Variants in LIMK1 observed in about 807,000 individuals in gnomAD.
The protein encoded by LIMK1 is LIM motif-containing protein kinase.
In LIMK1, 21 loss-of-function variants were observed where a neutral mutation model predicts 77.6. The ratio of observed to expected loss-of-function variants is 0.27; its 90% CI spans 0.19 to 0.39. LIMK1 has a LOEUF of 0.39. Among genes scored for constraint, LIMK1 ranks in the 10% least tolerant of loss-of-function variants. LIMK1 has a pLI of 1.00. For synonymous variants in LIMK1, 358 were observed against 370.0 expected (o/e 0.97, Z 0.37); for missense variants, 696 against 901.6 (o/e 0.77, Z 2.92).
At chr7:74,096,837 A>G (rs957480274) in intron 3 of LIMK1, 77 bp downstream of exon 3, 28 of 1,492,356 alleles carry the variant, frequency 1.9e-5, no homozygotes, top group Non-Finnish European at 2.5e-5. Context: ...TCTCTCTCCC[A>G]TCATTGTCTC....
chr7:74,085,821 G>A lies in LIMK1; in HGVS notation c.129G>A (p.Ala43=), dbSNP rs781963756. 28 of 1,557,910 alleles carry A rather than the reference G, an allele frequency of 1.8e-5. No individual in the cohort carries two copies. Among genetic ancestry groups the A allele is most frequent in the Admixed American group, 1.1e-4 (6 of 52,192 alleles). ...YDGQYLQALN[A]DWHADCFRCC... is the part of the protein sequence containing the mutation. Reference sequence around the variant, plus strand: ...GCCAGTACCTCCAGGCCCTGAACGCGGACTGGCACGCAGACTGCTTCAGGT... The same window carrying A: ...GCCAGTACCTCCAGGCCCTGAACGCAGACTGGCACGCAGACTGCTTCAGGT... The change falls in exon 2 of 16, where the codon GCG becomes GCA. Residue 43 remains alanine, a synonymous_variant. Transcript: ENST00000336180.
intron 7 of LIMK1, 27 bp from the exon 8 acceptor site, chr7:74,106,983 G>A: frequency 1.3e-6 from 2 of 1,534,994 alleles, no homozygotes; most frequent in Non-Finnish European, 1.8e-6. Context: ...TCCCCCGGTG[G>A]CACTTGGCAC....
intron 9 of LIMK1, among the ~76,000 whole-genome samples, 186 bp from the exon 10 acceptor site, chr7:74,108,719 G>T (rs1799633971): frequency 6.6e-6 from 1 of 151,796 alleles, no homozygotes; most frequent in Admixed American, 6.6e-5. Flanking sequence ...CATCGCTGGG[G>T]GTGGGGGCAG....
chr7:74,107,349 A>T (rs1251833634), intron 8 of LIMK1, among the ~76,000 whole-genome samples, 156 bp downstream of exon 8: 1 of 152,060 alleles, frequency 6.6e-6, no homozygotes, highest in Non-Finnish European at 1.5e-5. Context: ...GCTAATTAGG[A>T]ACAGGGGACC....
At chr7:74,115,753 G>A (rs781937479) in intron 12 of LIMK1, 49 bp from the exon 13 acceptor site, 48 of 1,592,902 alleles carry the variant, frequency 3.0e-5, no homozygotes, top group East Asian at 2.2e-5. Flanking sequence ...CAGGCCAAGC[G>A]GGCAGTACTA....
In LIMK1 at chr7:74,084,052, G is replaced by C; in HGVS notation, c.55+7G>C. On this transcript the variant is annotated splice_region_variant and intron_variant, in intron 1 of 15. Transcript: ENST00000336180. ...GAACGTATGGGAGAGGAAGGTGCGCGGGCCGCGGGGTGTGGGGCGAGGGCC... is the reference window on the plus strand; with the variant it reads ...GAACGTATGGGAGAGGAAGGTGCGCCGGCCGCGGGGTGTGGGGCGAGGGCC... 3.4e-6 allele frequency: 5 copies of C among 1,481,000 alleles called. No homozygotes were observed. Among genetic ancestry groups the C allele is most frequent in the South Asian group, 2.6e-5 (2 of 77,610 alleles). 91.7% of individuals were successfully genotyped at this position (1,481,000 alleles called of 1,614,324 possible).
At chr7:74,087,384 A>G (rs1554694198) in intron 2 of LIMK1, among the ~76,000 whole-genome samples, 6 of 152,138 alleles carry the variant, frequency 3.9e-5, no homozygotes, top group African/African-American at 1.4e-4. Flanking sequence ...AGCCTGGGCA[A>G]TAGAGCGAGA....
In LIMK1 at chr7:74,107,086, C is replaced by A; in HGVS notation, c.958C>A (p.Arg320Ser). The A allele has an allele frequency of 1.9e-6, 3 of 1,610,772 alleles. No individual in the cohort carries two copies. Among genetic ancestry groups the A allele is most frequent in the Non-Finnish European group, 2.5e-6 (3 of 1,179,210 alleles). Residue 320 changes from arginine (R) to serine (S), a missense_variant, in exon 8 of 16, where the codon CGC becomes AGC. Coordinates refer to ENST00000336180, the MANE Select transcript of LIMK1 (RefSeq NM_002314.4). ...SPASQRKDLG[R>S]SESLRVVCRP... ...GGCCTCCCAGCGCAAGGACCTGGGT[C>A]GCTCTGAGTCCCTCCGCGTAGTCTG...
Position 74,119,524 on chromosome 7 carries a change from C to T in LIMK1, c.1568-1059C>T, listed in dbSNP as rs782438866. Among the ~76,000 whole-genome samples the T allele has an allele frequency of 3.9e-4, 60 of 152,068 alleles. No individual in the cohort carries two copies. In the Middle Eastern group the frequency reaches 0.034, roughly 86 times the overall value. ...ATCATTAAGTAGCTGGTATCATTCCCATTTTACAATAAGGAAACTGAGGCT... is the reference window on the plus strand; with the variant it reads ...ATCATTAAGTAGCTGGTATCATTCCTATTTTACAATAAGGAAACTGAGGCT... On this transcript the variant is annotated intron_variant, in intron 13 of 15. Transcript: ENST00000336180.
In LIMK1 at chr7:74,099,235, A is replaced by G. The variant is rs782036877; in HGVS notation, c.605A>G (p.Gln202Arg). Residue 202 changes from glutamine to arginine, a missense_variant, in exon 5 of 16, where the codon CAG becomes CGG. This residue lies in a region of LIMK1 where 252 missense variants were observed against 279.4 expected (regional missense o/e 0.90). Coordinates refer to ENST00000336180, the MANE Select transcript of LIMK1 (RefSeq NM_002314.4). The part of the protein sequence containing the change: ...GTEHSHTVRV[Q>R]GVDPGCMSPD... Reference sequence around the variant, plus strand: ...GAGCACTCACACACCGTCCGCGTCCAGGGGTGAGTGGCCGGCCTGCCGAGG... The same window carrying G: ...GAGCACTCACACACCGTCCGCGTCCGGGGGTGAGTGGCCGGCCTGCCGAGG... 1 of 1,603,360 alleles carries G rather than the reference A, an allele frequency of 6.2e-7. No individual in the cohort carries two copies. The highest frequency in any genetic ancestry group is 1.7e-5 in the Admixed American group (1 of 59,976).
At chr7:74,093,119 C>G in intron 2 of LIMK1, 1 of 1,431,956 alleles carries the variant, frequency 7.0e-7, no homozygotes, top group South Asian at 1.5e-5. Context: ...TCCTCCTGTG[C>G]GCTGCAGCCA....
chr7:74,094,964 C>T (rs1554695370), intron 2 of LIMK1, among the ~76,000 whole-genome samples: 2 of 152,200 alleles, frequency 1.3e-5, no homozygotes, highest in African/African-American at 4.8e-5. Flanking sequence ...TTTACTCCCA[C>T]CCCTTCCCCT....
intron 5 of LIMK1, among the ~76,000 whole-genome samples, chr7:74,099,941 G>A (rs62476413): frequency 4.5e-4 from 67 of 147,328 alleles, no homozygotes; most frequent in African/African-American, 1.6e-3. Context: ...GCAACATAGC[G>A]AGACCTGCAT....
chr7:74,106,978 C>T (rs781844191), intron 7 of LIMK1, 32 bp from the exon 8 acceptor site: 69 of 1,525,242 alleles, frequency 4.5e-5, no homozygotes, highest in Admixed American at 8.0e-5. Flanking sequence ...ACCTGTCCCC[C>T]GGTGGCACTT....
chr7:74,098,056 C>T (rs1240919876), intron 4 of LIMK1, among the ~76,000 whole-genome samples: 2 of 152,198 alleles, frequency 1.3e-5, no homozygotes, highest in African/African-American at 4.8e-5. Flanking sequence ...CTTCACTGAG[C>T]TTCAGCAGCC....
intron 5 of LIMK1, among the ~76,000 whole-genome samples, chr7:74,101,565 A>G (rs1393381986): frequency 6.6e-6 from 1 of 152,162 alleles, no homozygotes; most frequent in Non-Finnish European, 1.5e-5. Context: ...CTCACTGGGT[A>G]AGCATTCGCC....
chr7:74,093,641 G>A (rs1554695118), intron 2 of LIMK1, among the ~76,000 whole-genome samples: 2 of 152,170 alleles, frequency 1.3e-5, no homozygotes, highest in African/African-American at 4.8e-5. Context: ...CCCCTTTCAT[G>A]CCCTCCGGGT....
intron 13 of LIMK1, among the ~76,000 whole-genome samples, chr7:74,119,183 A>ATGTACC (rs1554700111): frequency 6.8e-6 from 1 of 146,988 alleles, no homozygotes; most frequent in Non-Finnish European, 1.5e-5. Flanking sequence ...GTGCCCGGCC[A>ATGTACC]GTTTTTTGTT....
At chr7:74,090,708 A>G (rs1305044385) in intron 2 of LIMK1, among the ~76,000 whole-genome samples, 2 of 152,164 alleles carry the variant, frequency 1.3e-5, no homozygotes, top group East Asian at 3.9e-4. Flanking sequence ...GTGTTCGGGC[A>G]GGGGCAATGT....
Sources: allele counts gnomAD v4.1 joint callset (sites outside exome capture counted in the v4.1 genomes callset), GRCh38; gene constraint gnomAD v4.1.1; regional missense constraint gnomAD v4.1.1; transcripts MANE v1.5; gene names NCBI Gene and HGNC (gene_info 2026-07-23, HGNC 2026-07-21).